Variants in NRXN1 observed in about 807,000 individuals in gnomAD.
NRXN1 encodes neurexin 1, also known as neurexin-1.
NRXN1 carries 39 observed loss-of-function variants against 150.9 expected under a neutral mutation model. That is an observed-to-expected ratio of 0.26 (90% CI 0.20 to 0.34). NRXN1 has a LOEUF of 0.34. Among genes scored for constraint, NRXN1 ranks in the 10% least tolerant of loss-of-function variants. NRXN1 has a pLI of 1.00. For synonymous variants in NRXN1, 924 were observed against 757.0 expected (o/e 1.22, Z -3.62); for missense variants, 1,815 against 1,949.9 (o/e 0.93, Z 1.30).
intron 22 of NRXN1, among the ~76,000 whole-genome samples, chr2:49,924,018 G>T (rs935304467): frequency 6.6e-6 from 1 of 152,182 alleles, no homozygotes; most frequent in Non-Finnish European, 1.5e-5. Flanking sequence ...CTCTCATGAA[G>T]AATAGAATCT....
chr2:51,016,784 A>G (rs901892187), intron 2 of NRXN1, among the ~76,000 whole-genome samples: 31 of 152,220 alleles, frequency 2.0e-4, no homozygotes, highest in African/African-American at 7.2e-4. Context: ...AAATCATTCT[A>G]CTATAAAGAC....
At chr2:49,996,514 T>C (rs904455188) in intron 21 of NRXN1, among the ~76,000 whole-genome samples, 3 of 152,208 alleles carry the variant, frequency 2.0e-5, no homozygotes, top group Non-Finnish European at 4.4e-5. Flanking sequence ...TTTGTAGGTA[T>C]AATTAAGACT....
chr2:50,485,998 A>C (rs1234365225), intron 15 of NRXN1, among the ~76,000 whole-genome samples: 1 of 152,184 alleles, frequency 6.6e-6, no homozygotes, highest in African/African-American at 2.4e-5. Flanking sequence ...GTGGTTTGTA[A>C]TTTTAATGAA....
At chr2:50,092,425 T>C (rs575414724) in intron 18 of NRXN1, among the ~76,000 whole-genome samples, 55 of 152,352 alleles carry the variant, frequency 3.6e-4, no homozygotes, top group African/African-American at 1.3e-3. Context: ...TTGCACAGAA[T>C]ACCTGTGCTG....
chr2:50,616,818 TAG>T (rs1679136974), intron 8 of NRXN1, among the ~76,000 whole-genome samples: 1 of 152,138 alleles, frequency 6.6e-6, no homozygotes, highest in Non-Finnish European at 1.5e-5. Flanking sequence ...CACTACATAC[TAG>T]ACTGAAAATA....
intron 5 of NRXN1, among the ~76,000 whole-genome samples, chr2:50,721,384 G>A (rs1454811803): frequency 6.6e-6 from 1 of 152,182 alleles, no homozygotes; most frequent in Non-Finnish European, 1.5e-5. Context: ...GGATCCTGAA[G>A]CATGTATTTC....
chr2:50,978,830 C>T (rs544853106), intron 2 of NRXN1, among the ~76,000 whole-genome samples: 2 of 152,002 alleles, frequency 1.3e-5, no homozygotes, highest in Admixed American at 1.3e-4. Context: ...TCCCCGGATG[C>T]TTCCTTAATA....
At chr2:50,780,549 T>C (rs568280604) in intron 5 of NRXN1, among the ~76,000 whole-genome samples, 1 of 152,310 alleles carries the variant, frequency 6.6e-6, no homozygotes, top group Non-Finnish European at 1.5e-5. Flanking sequence ...TGAATATTTA[T>C]TTAATTCTAG....
intron 18 of NRXN1, among the ~76,000 whole-genome samples, chr2:50,118,797 T>C (rs1274318166): frequency 6.6e-6 from 1 of 152,184 alleles, no homozygotes; most frequent in East Asian, 1.9e-4. Flanking sequence ...GATTGGACAG[T>C]GACATAGTCT....
chr2:49,982,784 T>C (rs1360540439), intron 21 of NRXN1, among the ~76,000 whole-genome samples: 2 of 152,162 alleles, frequency 1.3e-5, no homozygotes, highest in Non-Finnish European at 2.9e-5. Context: ...ATTTCTGCTT[T>C]GTAAATAACA....
intron 18 of NRXN1, among the ~76,000 whole-genome samples, chr2:50,227,648 A>G (rs1415057774): frequency 6.6e-6 from 1 of 152,096 alleles, no homozygotes; most frequent in Non-Finnish European, 1.5e-5. Flanking sequence ...ATTTTATAAC[A>G]ATCATTCTGG....
At chr2:50,644,006 GGTTT>G (rs1684440909) in intron 5 of NRXN1, among the ~76,000 whole-genome samples, 1 of 151,336 alleles carries the variant, frequency 6.6e-6, no homozygotes, top group African/African-American at 2.4e-5. Flanking sequence ...CAAAGTTGTT[GGTTT>G]TTTTTGTTTG....
chr2:50,485,038 T>C (rs6735456), intron 15 of NRXN1, among the ~76,000 whole-genome samples: 8,454 of 152,268 alleles, frequency 0.056, 814 homozygotes, highest in African/African-American at 0.19. Flanking sequence ...CTGTTTCTAT[T>C]GCTTTGTGCT....
At chr2:50,951,892 T>C (rs908550288) in intron 2 of NRXN1, among the ~76,000 whole-genome samples, 6 of 148,866 alleles carry the variant, frequency 4.0e-5, no homozygotes, top group Admixed American at 1.3e-4. Context: ...CTCATATAAC[T>C]GGATTATCTA....
chr2:50,295,974 A>G (rs2073513081), intron 17 of NRXN1, among the ~76,000 whole-genome samples: 1 of 152,166 alleles, frequency 6.6e-6, no homozygotes. Context: ...GCACCTTTAA[A>G]TCTGTCTTAA....
intron 17 of NRXN1, among the ~76,000 whole-genome samples, chr2:50,367,699 G>A (rs1354150882): frequency 2.0e-5 from 3 of 151,896 alleles, no homozygotes; most frequent in East Asian, 1.9e-4. Context: ...GAATCTAACT[G>A]GAGCTGAATG....
intron 7 of NRXN1, 128 bp from the exon 8 acceptor site, chr2:50,620,311 CTGTT>C (rs763892900): frequency 1.8e-5 from 20 of 1,108,316 alleles, no homozygotes; most frequent in East Asian, 1.1e-4. Context: ...TTCTTTTTTT[CTGTT>C]TGTTTGGTTT....
chr2:50,443,034 G>A (rs759402069), intron 17 of NRXN1, among the ~76,000 whole-genome samples: 3 of 152,136 alleles, frequency 2.0e-5, no homozygotes, highest in Non-Finnish European at 4.4e-5. Context: ...AATAGTGAAC[G>A]TGGGTGACTA....
At chr2:50,831,495 G>C (rs1195149580) in intron 5 of NRXN1, among the ~76,000 whole-genome samples, 1 of 152,118 alleles carries the variant, frequency 6.6e-6, no homozygotes, top group Non-Finnish European at 1.5e-5. Context: ...AATGAGTAGA[G>C]GGGGCTTGAG....
Sources: gnomAD v4.1 joint callset for allele counts (sites outside exome capture counted in the v4.1 genomes callset) on GRCh38, gnomAD v4.1.1 for gene constraint, MANE v1.5 for transcripts, NCBI Gene and HGNC (gene_info 2026-07-23, HGNC 2026-07-21) for gene names.